Variants in FAM227A observed in about 807,000 individuals in gnomAD.
The protein encoded by FAM227A is protein FAM227A.
Under a neutral mutation model 74.7 loss-of-function variants are expected in FAM227A, and 80 were observed. The ratio of observed to expected loss-of-function variants is 1.07; its 90% CI spans 0.89 to 1.29. FAM227A has a LOEUF of 1.29. FAM227A is among the 50% of genes most tolerant of loss of function. FAM227A has a pLI of 0.00. For missense variants in FAM227A, 654 were observed against 683.4 expected (o/e 0.96, Z 0.48); for synonymous variants, 237 against 241.8 (o/e 0.98, Z 0.19).
At position 38,582,889 on chromosome 22, in the gene FAM227A, C is replaced by T. The variant is rs750515385; in HGVS notation, c.*3236G>A. 7.4e-5 allele frequency: 114 copies of T among 1,550,248 alleles called. No homozygotes were observed. In the African/African-American group the frequency reaches 1.4e-3, roughly 19 times the overall value. On this transcript the variant is annotated 3_prime_UTR_variant, in exon 17 of 17. Coordinates refer to ENST00000535113, the MANE Select transcript of FAM227A (RefSeq NM_001013647.2). ...TGCTCCTGGTATATTAGGGAAGGCTCCCAAGATGAGGGACGTCTAAGCGGG... is the reference window on the plus strand; with the variant it reads ...TGCTCCTGGTATATTAGGGAAGGCTTCCAAGATGAGGGACGTCTAAGCGGG...
At position 38,585,139 on chromosome 22, in the gene FAM227A, C is replaced by A. The variant is rs2090779094; in HGVS notation, c.*986G>T. 1 of 152,104 alleles carries A rather than the reference C, an allele frequency of 6.6e-6. No individual in the cohort carries two copies. The highest frequency in any genetic ancestry group is 2.4e-5 in the African/African-American group (1 of 41,392). 9.4% of individuals were successfully genotyped at this position (152,104 alleles called of 1,614,324 possible). A position where few individuals can be genotyped will look rare whatever the true frequency, so the allele number is the denominator to read the frequency against. On this transcript the variant is annotated 3_prime_UTR_variant, in exon 17 of 17. Transcript: ENST00000535113. ...TAAAAAAATTAATTTACATTTAAAT[C>A]CTGACTTTTGCTATGGTAGGAATGA...
rs1157653768 is a variant in FAM227A at position 38,579,103 on chromosome 22, A to G, written c.*7022T>C. ...CTCTTAACTGACATGCTAAACCACTATATGGCAGGCTTGTATATTCATATC... is the reference window on the plus strand; with the variant it reads ...CTCTTAACTGACATGCTAAACCACTGTATGGCAGGCTTGTATATTCATATC... On this transcript the variant is annotated 3_prime_UTR_variant, in exon 17 of 17. Coordinates refer to ENST00000535113, the MANE Select transcript of FAM227A (RefSeq NM_001013647.2). 1 of 152,180 alleles carries G rather than the reference A, an allele frequency of 6.6e-6. No individual in the cohort carries two copies. Among genetic ancestry groups the G allele is most frequent in the East Asian group, 1.9e-4 (1 of 5,194 alleles). 9.4% of individuals were successfully genotyped at this position (152,180 alleles called of 1,614,324 possible).
intron 11 of FAM227A, among the ~76,000 whole-genome samples, chr22:38,609,283 G>A (rs188020499): frequency 6.6e-6 from 1 of 152,324 alleles, no homozygotes; most frequent in East Asian, 1.9e-4. Flanking sequence ...ACACGTAGCG[G>A]TAGGGGAGGC....
chr22:38,628,796 CTT>C (rs1461768471), intron 7 of FAM227A, 36 bp downstream of exon 7: 2 of 1,215,230 alleles, frequency 1.6e-6, no homozygotes, highest in South Asian at 1.4e-5. Context: ...AGAAAAATAA[CTT>C]AAGCAAGGCA....
At chr22:38,628,456 T>C in intron 7 of FAM227A, 114 bp from the exon 8 acceptor site, 1 of 710,168 alleles carries the variant, frequency 1.4e-6, no homozygotes, top group Non-Finnish European at 2.4e-6. Context: ...ATTCTCAAGA[T>C]ATTTAGCCTC....
chr22:38,642,955 A>T (rs1006503570), intron 3 of FAM227A, among the ~76,000 whole-genome samples: 2 of 151,906 alleles, frequency 1.3e-5, no homozygotes, highest in Non-Finnish European at 2.9e-5. Flanking sequence ...AAAACAAAAA[A>T]ACAACCCAAA....
chr22:38,622,289 T>C (rs2145561235), intron 10 of FAM227A, among the ~76,000 whole-genome samples: 1 of 152,332 alleles, frequency 6.6e-6, no homozygotes, highest in East Asian at 1.9e-4. Flanking sequence ...AGCTGCTTTG[T>C]TCTACCACCA....
chr22:38,588,615 TAA>T (rs757871619), intron 16 of FAM227A, among the ~76,000 whole-genome samples: 4 of 47,868 alleles, frequency 8.4e-5, no homozygotes, highest in Non-Finnish European at 1.2e-4. Context: ...TGACTCTGTC[TAA>T]AAAAAAAAAA....
intron 10 of FAM227A, among the ~76,000 whole-genome samples, chr22:38,621,804 G>A (rs969703369): frequency 2.0e-5 from 3 of 152,168 alleles, no homozygotes; most frequent in African/African-American, 7.2e-5. Context: ...GAGAGATGCT[G>A]ATGCTGCAGG....
intron 11 of FAM227A, among the ~76,000 whole-genome samples, chr22:38,615,327 G>C (rs2091553334): frequency 6.6e-6 from 1 of 152,152 alleles, no homozygotes; most frequent in Non-Finnish European, 1.5e-5. Flanking sequence ...CCCGGACAGA[G>C]TTTACCTTCT....
rs1439578184 is a variant in FAM227A, at chr22:38,581,346, T to C, written c.*4779A>G. On this transcript the variant is annotated 3_prime_UTR_variant, in exon 17 of 17. Transcript: ENST00000535113. ...TTTCTTCAAGGATCCCTAGATCCTT[T>C]TAGGGCAAATAGTATTTCAAGACCA... 6.6e-6 allele frequency: 1 copy of C among 152,140 alleles called. No individual in the cohort carries two copies. The highest frequency in any genetic ancestry group is 1.5e-5 in the Non-Finnish European group (1 of 68,030). 9.4% of individuals were successfully genotyped at this position (152,140 alleles called of 1,614,324 possible).
chr22:38,647,019 G>A (rs953997037), intron 2 of FAM227A, among the ~76,000 whole-genome samples: 4 of 151,634 alleles, frequency 2.6e-5, no homozygotes, highest in Admixed American at 6.6e-5. Flanking sequence ...GCGTGGTGGC[G>A]GGTGCCTGTA....
intron 14 of FAM227A, among the ~76,000 whole-genome samples, chr22:38,598,869 T>C (rs2091108502): frequency 6.6e-6 from 1 of 152,190 alleles, no homozygotes. Flanking sequence ...ATAGACCAGT[T>C]TGATTCCAAA....
intron 3 of FAM227A, among the ~76,000 whole-genome samples, chr22:38,641,414 T>C (rs1469205692): frequency 6.6e-6 from 1 of 151,918 alleles, no homozygotes; most frequent in African/African-American, 2.4e-5. Flanking sequence ...TAGCCGGGCG[T>C]GGTGGCACGT....
In FAM227A at chr22:38,644,442, C is replaced by T. The variant is rs1406313399; in HGVS notation, c.225+1121G>A. Among the ~76,000 whole-genome samples the T allele has an allele frequency of 2.1e-5, 3 of 143,210 alleles. 1 individual carries two copies. Among genetic ancestry groups the T allele is most frequent in the Non-Finnish European group, 3.1e-5 (2 of 65,510 alleles). The allele number at this position is 143,210 out of a possible 152,430, so 94.0% of individuals were successfully genotyped here. A position where few individuals can be genotyped will look rare whatever the true frequency, so the allele number is the denominator to read the frequency against. On this transcript the variant is annotated intron_variant, in intron 3 of 16. Coordinates refer to ENST00000535113, the MANE Select transcript of FAM227A (RefSeq NM_001013647.2). ...GGAGCACAGAGGACTGTTGGGACAG[C>T]GAAACTATGCTGTGTGACACTACAA...
intron 15 of FAM227A, among the ~76,000 whole-genome samples, chr22:38,593,851 C>T (rs771504600): frequency 1.2e-4 from 18 of 152,052 alleles, no homozygotes; most frequent in Non-Finnish European, 2.4e-4. Context: ...CCACTACCAC[C>T]CAGCTATTTT....
intron 3 of FAM227A, among the ~76,000 whole-genome samples, chr22:38,642,333 T>C (rs1258218152): frequency 8.5e-5 from 13 of 152,132 alleles, no homozygotes; most frequent in Admixed American, 5.2e-4. Flanking sequence ...AGGCTCAGTG[T>C]AGACACCCTG....
intron 15 of FAM227A, 102 bp downstream of exon 15, chr22:38,597,102 A>G: frequency 9.2e-7 from 1 of 1,085,742 alleles, no homozygotes; most frequent in Non-Finnish European, 1.3e-6. Flanking sequence ...TGATGGTTAC[A>G]GGAAACCCCC....
chr22:38,579,667 C>G lies in FAM227A; in HGVS notation c.*6458G>C, dbSNP rs1163387179. 2 of 152,172 alleles carry G rather than the reference C, an allele frequency of 1.3e-5. No homozygotes were observed. Among genetic ancestry groups the G allele is most frequent in the Non-Finnish European group, 2.9e-5 (2 of 68,026 alleles). The allele number at this position is 152,172 out of a possible 1,614,324, so 9.4% of individuals were successfully genotyped here. ...GGTCAATCTTGTTTCACCTATACCTCCATCCACTTTCTCTCTCCCATATTA... is the reference window on the plus strand; with the variant it reads ...GGTCAATCTTGTTTCACCTATACCTGCATCCACTTTCTCTCTCCCATATTA... On this transcript the variant is annotated 3_prime_UTR_variant, in exon 17 of 17. Coordinates refer to ENST00000535113, the MANE Select transcript of FAM227A (RefSeq NM_001013647.2).
Sources: gnomAD v4.1 joint callset for allele counts (sites outside exome capture counted in the v4.1 genomes callset) on GRCh38, gnomAD v4.1.1 for gene constraint, MANE v1.5 for transcripts, NCBI Gene and HGNC (gene_info 2026-07-23, HGNC 2026-07-21) for gene names.